BLTP3B: variants seen among roughly 807,000 people sequenced by gnomAD.
BLTP3B encodes the protein UHRF1 (ICBP90) binding protein 1-like.
the BLTP3B span, among the ~76,000 whole-genome samples, chr12:100,053,922 C>T: frequency 1.3e-5 from 2 of 152,110 alleles, no homozygotes; most frequent in East Asian, 1.9e-4. Flanking sequence ...CCAAGAGTCT[C>T]CTTCCAATGA....
chr12:100,086,243 T>G, the BLTP3B span: 2 of 1,312,194 alleles, frequency 1.5e-6, no homozygotes, highest in Non-Finnish European at 2.0e-6. Flanking sequence ...GAAAACAACA[T>G]TTATATCTTT....
the BLTP3B span, among the ~76,000 whole-genome samples, chr12:100,060,749 C>T: frequency 1.3e-5 from 2 of 152,052 alleles, no homozygotes; most frequent in African/African-American, 4.8e-5. Flanking sequence ...ATTTTTCTAC[C>T]ATAAAAGACA....
At chr12:100,113,081 G>C in the BLTP3B span, among the ~76,000 whole-genome samples, 1 of 151,922 alleles carries the variant, frequency 6.6e-6, no homozygotes, top group South Asian at 2.1e-4. Context: ...TAAGGTGGGG[G>C]GATCACCTGG....
the BLTP3B span, among the ~76,000 whole-genome samples, chr12:100,048,735 GGAGAGAGAGAGAGA>G: frequency 6.7e-5 from 8 of 119,552 alleles, no homozygotes; most frequent in African/African-American, 2.8e-4. Context: ...GTAAGGGGGG[GGAGAGAGAGAGAGA>G]GAGAGAGAGA....
At chr12:100,140,704 CAAAAAAAA>C in the BLTP3B span, among the ~76,000 whole-genome samples, 7 of 33,778 alleles carry the variant, frequency 2.1e-4, no homozygotes, top group East Asian at 3.2e-3. Context: ...GACTCTGTCT[CAAAAAAAA>C]AAAAAAAAAA....
At chr12:100,124,930 A>AG in the BLTP3B span, among the ~76,000 whole-genome samples, 2 of 101,472 alleles carry the variant, frequency 2.0e-5, no homozygotes, top group African/African-American at 7.1e-5. Context: ...TTAAAAAAAA[A>AG]AAATTTTATA....
At chr12:100,072,016 T>C in the BLTP3B span, among the ~76,000 whole-genome samples, 3 of 152,190 alleles carry the variant, frequency 2.0e-5, no homozygotes, top group Non-Finnish European at 4.4e-5. Flanking sequence ...ATCCCAGCAC[T>C]ATGGGAGTCC....
chr12:100,106,314 A>G, the BLTP3B span, among the ~76,000 whole-genome samples: 1 of 151,802 alleles, frequency 6.6e-6, no homozygotes, highest in Non-Finnish European at 1.5e-5. Flanking sequence ...ACATATGTCT[A>G]TTGCAACACA....
chr12:100,089,324 C>A, the BLTP3B span, among the ~76,000 whole-genome samples: 1 of 151,988 alleles, frequency 6.6e-6, no homozygotes, highest in Non-Finnish European at 1.5e-5. Context: ...TTTGGGAGGC[C>A]GAGGCAGGCG....
At chr12:100,084,793 T>C in the BLTP3B span, 14 of 862,914 alleles carry the variant, frequency 1.6e-5, no homozygotes, top group Middle Eastern at 3.6e-4. Flanking sequence ...AGGCTTCACC[T>C]ACATGTAATT....
chr12:100,057,559 T>C, the BLTP3B span: 228 of 1,599,852 alleles, frequency 1.4e-4, 8 homozygotes, highest in East Asian at 6.3e-4. Flanking sequence ...TTAAGCCGTA[T>C]CATAACTTTA....
chr12:100,130,987 GAGAGAGAGAGAGAGA>G, the BLTP3B span, among the ~76,000 whole-genome samples: 1,415 of 76,324 alleles, frequency 0.019, 46 homozygotes, highest in African/African-American at 0.061. Flanking sequence ...GGGAGGGAGA[GAGAGAGAGAGAGAGA>G]GAGAGAGAGA....
chr12:100,103,971 A>G, the BLTP3B span: 1 of 1,586,864 alleles, frequency 6.3e-7, no homozygotes, highest in Admixed American at 1.8e-5. Context: ...AAAAATTTTT[A>G]ATTTAAGATC....
At chr12:100,125,919 C>T in the BLTP3B span, among the ~76,000 whole-genome samples, 3 of 152,100 alleles carry the variant, frequency 2.0e-5, no homozygotes, top group Admixed American at 1.3e-4. Flanking sequence ...ATAAAAATGG[C>T]AACAGGATAA....
At chr12:100,133,026 G>A in the BLTP3B span, among the ~76,000 whole-genome samples, 10 of 152,144 alleles carry the variant, frequency 6.6e-5, no homozygotes, top group Non-Finnish European at 8.8e-5. Flanking sequence ...GGCAGATCAC[G>A]AGGTCAGGAG....
chr12:100,048,771 AGTGTGTGTGTGT>A, the BLTP3B span, among the ~76,000 whole-genome samples: 31 of 115,022 alleles, frequency 2.7e-4, no homozygotes, highest in South Asian at 1.2e-3. Flanking sequence ...AGTGAGAGTG[AGTGTGTGTGTGT>A]GTGTGTGTGT....
the BLTP3B span, among the ~76,000 whole-genome samples, chr12:100,127,475 TTTAA>T: frequency 1.8e-3 from 273 of 152,364 alleles, 1 homozygote; most frequent in African/African-American, 6.1e-3. Context: ...ACTTGTGGCA[TTTAA>T]TTAACAATTT....
At chr12:100,071,988 T>C in the BLTP3B span, among the ~76,000 whole-genome samples, 8 of 152,204 alleles carry the variant, frequency 5.3e-5, no homozygotes, top group Admixed American at 5.2e-4. Flanking sequence ...GTGCTGGACA[T>C]GGCGGCTCAT....
At chr12:100,065,296 G>C in the BLTP3B span, among the ~76,000 whole-genome samples, 4 of 151,262 alleles carry the variant, frequency 2.6e-5, no homozygotes, top group Non-Finnish European at 4.4e-5. Context: ...TGAAATCAGT[G>C]CACCTTGAAA....
Sources: gnomAD v4.1 joint callset for allele counts (sites outside exome capture counted in the v4.1 genomes callset) on GRCh38, gnomAD v4.1.1 for gene constraint, MANE v1.5 for transcripts, NCBI Gene and HGNC (gene_info 2026-07-23, HGNC 2026-07-21) for gene names.